The following ROBO2 variants were observed in gnomAD, a reference collection of about 807,000 sequenced individuals.
ROBO2 encodes roundabout homolog 2.
Under a neutral mutation model 160.8 loss-of-function variants are expected in ROBO2, and 53 were observed. The ratio of observed to expected loss-of-function variants is 0.33; its 90% CI spans 0.26 to 0.41. ROBO2 has a LOEUF of 0.41. Among genes scored for constraint, ROBO2 ranks in the 10% least tolerant of loss-of-function variants. ROBO2 has a pLI of 1.00. For synonymous variants in ROBO2, 664 were observed against 611.7 expected (o/e 1.09, Z -1.26); for missense variants, 1,577 against 1,722.4 (o/e 0.92, Z 1.49).
chr3:77,298,768 A>G (rs931973809), intron 2 of ROBO2, among the ~76,000 whole-genome samples: 3 of 152,202 alleles, frequency 2.0e-5, no homozygotes, highest in Non-Finnish European at 4.4e-5. Context: ...TCCTTCATTC[A>G]TCTGTGCCTC....
rs1219382486 is a variant in ROBO2 at position 76,501,551 on chromosome 3, A to G, written c.109+563949A>G. Among the ~76,000 whole-genome samples, 4 of 152,250 alleles carry G rather than the reference A, an allele frequency of 2.6e-5. No homozygotes were observed. The East Asian group carries it at 7.7e-4, about 29-fold the overall frequency. On this transcript the variant is annotated intron_variant, in intron 2 of 26. Coordinates refer to the ROBO2 transcript ENST00000487694. Reference sequence around the variant, plus strand: ...CCAGGTATGTGGAGTAGTAGCAGACAAAATGGCCTAAATCTAATACTGCAA... The same window carrying G: ...CCAGGTATGTGGAGTAGTAGCAGACGAAATGGCCTAAATCTAATACTGCAA...
intron 2 of ROBO2, among the ~76,000 whole-genome samples, chr3:76,887,194 A>ATTTTTTT (rs5850296): frequency 2.6e-5 from 2 of 76,568 alleles, no homozygotes; most frequent in African/African-American, 1.3e-4. Context: ...TTCAGGAAGC[A>ATTTTTTT]TTTTTTTTTT....
Position 77,228,414 on chromosome 3 carries a change from A to AC in ROBO2, c.388+130074_388+130075insC, listed in dbSNP as rs1560289522. ...AAACAGATATTGTATTACATGCACA[A>AC]ACACACACACACACACACACACCCT... On this transcript the variant is annotated intron_variant, in intron 2 of 25. Transcript: ENST00000461745. 2.7e-5 allele frequency among the ~76,000 whole-genome samples: 4 copies of AC among 148,992 alleles called. No homozygotes were observed. In the East Asian group the frequency reaches 7.9e-4, roughly 29 times the overall value.
intron 2 of ROBO2, among the ~76,000 whole-genome samples, chr3:77,294,756 TCAC>T (rs2061833778): frequency 1.4e-5 from 2 of 140,968 alleles, no homozygotes; most frequent in African/African-American, 6.2e-5. Context: ...TGAGGCTAGA[TCAC>T]CCCAGACACA....
chr3:77,468,917 C>T (rs2153578331), intron 2 of ROBO2, among the ~76,000 whole-genome samples: 1 of 152,232 alleles, frequency 6.6e-6, no homozygotes, highest in East Asian at 1.9e-4. Context: ...CCGGATGTCT[C>T]CCCACTGAGT....
intron 2 of ROBO2, among the ~76,000 whole-genome samples, chr3:76,633,682 C>T (rs1366205248): frequency 6.6e-6 from 1 of 152,186 alleles, no homozygotes; most frequent in Non-Finnish European, 1.5e-5. Context: ...ATAGTCTACG[C>T]CAGGCATGTC....
chr3:77,201,067 C>T (rs937573927), intron 2 of ROBO2, among the ~76,000 whole-genome samples: 1 of 152,166 alleles, frequency 6.6e-6, no homozygotes, highest in Admixed American at 6.5e-5. Flanking sequence ...TATCACTGAC[C>T]TAACTAGTGA....
At chr3:76,928,859 A>G (rs1170525641) in intron 2 of ROBO2, among the ~76,000 whole-genome samples, 2 of 152,126 alleles carry the variant, frequency 1.3e-5, no homozygotes, top group African/African-American at 2.4e-5. Flanking sequence ...AATATATTTT[A>G]TATCCTGATG....
At chr3:76,422,677 T>C (rs939689422) in intron 2 of ROBO2, among the ~76,000 whole-genome samples, 1 of 152,188 alleles carries the variant, frequency 6.6e-6, no homozygotes, top group East Asian at 1.9e-4. Context: ...AAATTCTTAA[T>C]AGCAAGGTGT....
intron 2 of ROBO2, among the ~76,000 whole-genome samples, chr3:77,217,865 T>C (rs2085188449): frequency 6.6e-6 from 1 of 152,150 alleles, no homozygotes; most frequent in Admixed American, 6.5e-5. Flanking sequence ...TGTTATTTCA[T>C]AAACAAGGAC....
intron 2 of ROBO2, among the ~76,000 whole-genome samples, chr3:77,176,620 C>A (rs1206613544): frequency 6.6e-6 from 1 of 151,956 alleles, no homozygotes. Context: ...TCTTATTTAT[C>A]TCTGCTGCCA....
chr3:76,293,041 TA>T (rs1415918652), intron 2 of ROBO2, among the ~76,000 whole-genome samples: 1 of 152,054 alleles, frequency 6.6e-6, no homozygotes, highest in Non-Finnish European at 1.5e-5. Flanking sequence ...TTAGGATATA[TA>T]AAAGTTTTTG....
chr3:77,440,428 G>A (rs1464714538), intron 2 of ROBO2, among the ~76,000 whole-genome samples: 1 of 152,048 alleles, frequency 6.6e-6, no homozygotes, highest in African/African-American at 2.4e-5. Flanking sequence ...CCAAATAAAT[G>A]TAAAGATTTT....
chr3:77,610,319 T>G (rs2094603605), intron 21 of ROBO2, among the ~76,000 whole-genome samples: 1 of 152,096 alleles, frequency 6.6e-6, no homozygotes, highest in African/African-American at 2.4e-5. Context: ...TTCAGATACT[T>G]TTTTGCTCTC....
chr3:76,460,205 C>A (rs1217733803), intron 2 of ROBO2, among the ~76,000 whole-genome samples: 1 of 151,364 alleles, frequency 6.6e-6, no homozygotes, highest in East Asian at 1.9e-4. Context: ...TAATTTACCC[C>A]AAGATTTAAC....
chr3:76,769,047 A>AT (rs1178050875), intron 2 of ROBO2, among the ~76,000 whole-genome samples: 9 of 151,482 alleles, frequency 5.9e-5, no homozygotes, highest in Middle Eastern at 3.4e-3. Context: ...CACATAATAG[A>AT]TTTTTTCCCC....
At chr3:76,118,461 T>C (rs2070573376) in intron 2 of ROBO2, among the ~76,000 whole-genome samples, 1 of 152,310 alleles carries the variant, frequency 6.6e-6, no homozygotes, top group African/African-American at 2.4e-5. Flanking sequence ...GGTCATGTAC[T>C]GTTTCTCCAA....
At chr3:75,962,038 T>C (rs1160401347) in intron 2 of ROBO2, among the ~76,000 whole-genome samples, 1 of 151,598 alleles carries the variant, frequency 6.6e-6, no homozygotes, top group Non-Finnish European at 1.5e-5. Flanking sequence ...AAGTAGTATA[T>C]TGATATTTTA....
chr3:76,830,382 A>G (rs1381840450), intron 2 of ROBO2, among the ~76,000 whole-genome samples: 1 of 152,064 alleles, frequency 6.6e-6, no homozygotes, highest in Non-Finnish European at 1.5e-5. Flanking sequence ...CCTTTGCATA[A>G]GGTTTTCCCC....
Sources: allele counts gnomAD v4.1 joint callset (sites outside exome capture counted in the v4.1 genomes callset), GRCh38; gene constraint gnomAD v4.1.1; transcripts MANE v1.5; gene names NCBI Gene and HGNC (gene_info 2026-07-23, HGNC 2026-07-21).